The following ARHGEF17 variants were observed in gnomAD, a reference collection of about 807,000 sequenced individuals.
The protein encoded by ARHGEF17 is Rho guanine nucleotide exchange factor 17.
ARHGEF17 carries 80 observed loss-of-function variants against 174.0 expected under a neutral mutation model. The ratio of observed to expected loss-of-function variants is 0.46; its 90% CI spans 0.38 to 0.55. ARHGEF17 has a LOEUF of 0.55. ARHGEF17 is among the 20% of genes least tolerant of loss of function. The pLI is 0.00. For synonymous variants in ARHGEF17, 1,311 were observed against 1,189.1 expected (o/e 1.10, Z -2.11); for missense variants, 2,886 against 2,839.7 (o/e 1.02, Z -0.37).
chr11:73,351,770 C>T (rs941413980), intron 2 of ARHGEF17, among the ~76,000 whole-genome samples: 3 of 151,902 alleles, frequency 2.0e-5, no homozygotes, highest in Admixed American at 1.3e-4. Context: ...TTAGTAGAGA[C>T]GGGGTTTCAC....
At chr11:73,336,686 G>C (rs530399457) in intron 1 of ARHGEF17, among the ~76,000 whole-genome samples, 1 of 152,156 alleles carries the variant, frequency 6.6e-6, no homozygotes, top group African/African-American at 2.4e-5. Flanking sequence ...TTCACATTCC[G>C]TCTCTTCCAC....
At chr11:73,360,607 C>T in intron 11 of ARHGEF17, 74 bp downstream of exon 11, 1 of 1,543,548 alleles carries the variant, frequency 6.5e-7, no homozygotes, top group East Asian at 2.3e-5. Context: ...TCACAGCTGT[C>T]TGTGACTTCA....
intron 13 of ARHGEF17, 54 bp downstream of exon 13, chr11:73,362,293 C>T (rs1169255864): frequency 8.2e-6 from 12 of 1,463,632 alleles, no homozygotes; most frequent in Non-Finnish European, 1.1e-5. Context: ...GAACCAACCC[C>T]TGTCCCAGCA....
chr11:73,339,928 A>G (rs1343629702), intron 1 of ARHGEF17, among the ~76,000 whole-genome samples: 1 of 152,126 alleles, frequency 6.6e-6, no homozygotes, highest in Non-Finnish European at 1.5e-5. Flanking sequence ...AGCACCCTGT[A>G]TACTTACAAA....
chr11:73,360,307 CT>C lies in ARHGEF17; in HGVS notation c.4207-12del. 1 of 1,612,996 alleles carries C rather than the reference CT, an allele frequency of 6.2e-7. No individual in the cohort carries two copies. On this transcript the variant is annotated splice_polypyrimidine_tract_variant and intron_variant, in intron 10 of 20. Transcript: ENST00000263674. ...GATGCTGGGGCCTGAGGCCTGGGCC[CT>C]CTTCCCCACAGAGCCTGGACGATGC...
rs771819123 is a variant in ARHGEF17, at chr11:73,363,468, G to A, written c.5246+13G>A. ...CTGAGGATGGCTGGTAGGGACAGGGGAGGGACTAGGGACACAGTGCCAGAA... is the reference window on the plus strand; with the variant it reads ...CTGAGGATGGCTGGTAGGGACAGGGAAGGGACTAGGGACACAGTGCCAGAA... On this transcript the variant is annotated intron_variant, in intron 15 of 20. Coordinates refer to ENST00000263674, the MANE Select transcript of ARHGEF17 (RefSeq NM_014786.4). The A allele has an allele frequency of 1.2e-5, 19 of 1,607,904 alleles. No individual in the cohort carries two copies. Among genetic ancestry groups the A allele is most frequent in the Non-Finnish European group, 1.5e-5 (18 of 1,176,742 alleles).
At chr11:73,361,279 G>C (rs1865733722) in intron 12 of ARHGEF17, 118 bp downstream of exon 12, 4 of 916,458 alleles carry the variant, frequency 4.4e-6, no homozygotes, top group Non-Finnish European at 6.8e-6. Flanking sequence ...TTATGTCTTG[G>C]AGAATTCAGC....
In ARHGEF17 at chr11:73,308,951, G is replaced by A; in HGVS notation, c.313G>A (p.Gly105Ser). The change falls in exon 1 of 21, where the codon GGC (glycine) becomes AGC (serine). Residue 105 changes from glycine (G) to serine (S), a missense_variant. By Grantham distance (56) the Gly-to-Ser change is moderately conservative. Transcript: ENST00000263674. The part of the protein sequence containing the change: ...DDGSAGTRDG[G>S]VLPAAAEEAA... ...CGGCTCCGCTGGGACCCGAGACGGA[G>A]GCGTCTTACCCGCGGCCGCGGAAGA... is the stretch of plus-strand genomic sequence containing the variant. The A allele has an allele frequency of 7.3e-7, 1 of 1,361,916 alleles. No homozygotes were observed. Among genetic ancestry groups the A allele is most frequent in the Non-Finnish European group, 9.4e-7 (1 of 1,063,154 alleles). The allele number at this position is 1,361,916 out of a possible 1,614,324, so 84.4% of individuals were successfully genotyped here. A position where few individuals can be genotyped will look rare whatever the true frequency, so the allele number is the denominator to read the frequency against.
At chr11:73,366,120 TGTG>T (rs769731163) in intron 20 of ARHGEF17, among the ~76,000 whole-genome samples, 173 bp downstream of exon 20, 7 of 124,418 alleles carry the variant, frequency 5.6e-5, no homozygotes, top group South Asian at 2.4e-4. Flanking sequence ...CTAGGATAGT[TGTG>T]TGTGTGTGTG....
chr11:73,366,425 AT>A (rs1865840185), intron 20 of ARHGEF17, among the ~76,000 whole-genome samples: 1 of 152,162 alleles, frequency 6.6e-6, no homozygotes, highest in Non-Finnish European at 1.5e-5. Context: ...TGGACTGATA[AT>A]TAGAAAGTGA....
In ARHGEF17 at chr11:73,332,359, G is replaced by C. The variant is rs879584295; in HGVS notation, c.3193-14524G>C. Among the ~76,000 whole-genome samples the C allele has an allele frequency of 7.5e-3, 230 of 30,776 alleles. 1 individual carries two copies. Among genetic ancestry groups the C allele is most frequent in the Non-Finnish European group, 0.013 (189 of 14,280 alleles). The allele number at this position is 30,776 out of a possible 152,430, so 20.2% of individuals were successfully genotyped here. Reference sequence around the variant, plus strand: ...CTCCAGGCTTTTTCTCCGTGTGTGTGTGTGTGTGTGTGTGTGTGTGTGTGT... The same window carrying C: ...CTCCAGGCTTTTTCTCCGTGTGTGTCTGTGTGTGTGTGTGTGTGTGTGTGT... On this transcript the variant is annotated intron_variant, in intron 1 of 20. Coordinates refer to ENST00000263674, the MANE Select transcript of ARHGEF17 (RefSeq NM_014786.4).
intron 1 of ARHGEF17, among the ~76,000 whole-genome samples, chr11:73,335,855 G>A (rs1217802721): frequency 6.6e-6 from 1 of 152,230 alleles, no homozygotes; most frequent in Non-Finnish European, 1.5e-5. Context: ...TTTACAGAGG[G>A]GGAAACTGAA....
chr11:73,358,781 C>T (rs570987125), intron 9 of ARHGEF17, among the ~76,000 whole-genome samples: 1 of 152,094 alleles, frequency 6.6e-6, no homozygotes, highest in African/African-American at 2.4e-5. Flanking sequence ...CTCTTAATAC[C>T]AACACACTCA....
At chr11:73,364,352 T>C (rs2134423726) in intron 17 of ARHGEF17, 100 bp from the exon 18 acceptor site, 1 of 1,603,562 alleles carries the variant, frequency 6.2e-7, no homozygotes, top group Non-Finnish European at 8.5e-7. Flanking sequence ...CCTTGGTTTC[T>C]TTGCTTATAA....
intron 1 of ARHGEF17, among the ~76,000 whole-genome samples, chr11:73,321,567 G>A (rs548804023): frequency 2.0e-4 from 30 of 152,352 alleles, no homozygotes; most frequent in Admixed American, 6.5e-4. Flanking sequence ...GCACTAAGGC[G>A]TTATTATGAG....
intron 1 of ARHGEF17, among the ~76,000 whole-genome samples, chr11:73,335,294 G>A (rs1865268383): frequency 6.6e-6 from 1 of 152,150 alleles, no homozygotes; most frequent in Non-Finnish European, 1.5e-5. Flanking sequence ...TCTGGGTTCT[G>A]GTTTCTCTGC....
In ARHGEF17 at chr11:73,352,419, G is replaced by A. The variant is rs575925592; in HGVS notation, c.3271-411G>A. 5.3e-5 allele frequency among the ~76,000 whole-genome samples: 8 copies of A among 152,276 alleles called. No homozygotes were observed. The East Asian group carries it at 1.5e-3, about 29-fold the overall frequency. The stretch of plus-strand genomic sequence containing the variant: ...CAGACTAGATCCTAAGCTCTATCAG[G>A]ACAGGGATTGTGGTCTTTCTTATAC... On this transcript the variant is annotated intron_variant, in intron 2 of 20. Coordinates refer to ENST00000263674, the MANE Select transcript of ARHGEF17 (RefSeq NM_014786.4).
Position 73,310,783 on chromosome 11 carries a change from A to C in ARHGEF17, c.2145A>C (p.Ser715=), listed in dbSNP as rs1339867953. Residue 715 remains serine (S), a synonymous_variant, in exon 1 of 21, where the codon TCA becomes TCC. Transcript: ENST00000263674. ...ALRRRRKVPP[S]GSGGSELSNG... is the part of the protein sequence containing the mutation. Reference sequence around the variant, plus strand: ...GCCGACGACGCAAAGTCCCACCTTCAGGTTCTGGTGGGAGCGAATTGAGCA... The same window carrying C: ...GCCGACGACGCAAAGTCCCACCTTCCGGTTCTGGTGGGAGCGAATTGAGCA... The C allele has an allele frequency of 6.2e-7, 1 of 1,611,872 alleles. No individual in the cohort carries two copies. The highest frequency in any genetic ancestry group is 1.3e-5 in the African/African-American group (1 of 74,998).
At chr11:73,347,437 C>T (rs766077950) in intron 2 of ARHGEF17, among the ~76,000 whole-genome samples, 2 of 152,156 alleles carry the variant, frequency 1.3e-5, no homozygotes, top group Admixed American at 6.6e-5. Flanking sequence ...GTGGAGTATA[C>T]GGGCACTCTA....
Sources: gnomAD v4.1 joint callset for allele counts (sites outside exome capture counted in the v4.1 genomes callset) on GRCh38, gnomAD v4.1.1 for gene constraint, MANE v1.5 for transcripts, NCBI Gene and HGNC (gene_info 2026-07-23, HGNC 2026-07-21) for gene names.